The following TNC variants were observed in gnomAD, a reference collection of about 807,000 sequenced individuals.
The protein encoded by TNC is tenascin.
A neutral mutation model predicts 202.4 loss-of-function variants in TNC; 109 were observed. The ratio of observed to expected loss-of-function variants is 0.54; its 90% confidence interval spans 0.46 to 0.63. TNC has a LOEUF of 0.63. Ranked by LOEUF, TNC falls within the 30% of genes least tolerant of loss-of-function variation. The pLI, the probability that TNC is intolerant of heterozygous loss-of-function variation, is 0.00. For missense variants in TNC, 2,756 were observed against 2,833.3 expected, an observed-to-expected ratio of 0.97 and a Z score of 0.62; for synonymous variants, 1,007 against 1,089.7, an observed-to-expected ratio of 0.92 and a Z score of 1.50.
Position 115,086,901 on chromosome 9 carries a change from T to C in TNC, c.830A>G (p.Asp277Gly). 6.2e-7 allele frequency: 1 copy of C among 1,614,082 alleles called. No homozygotes were observed. The highest frequency in any genetic ancestry group is 8.5e-7 in the Non-Finnish European group (1 of 1,180,040). The change falls in exon 3 of 28, where the codon GAT becomes GGT. Residue 277 changes from aspartate to glycine, a missense_variant. By Grantham distance (94) the Asp-to-Gly change is moderately conservative (BLOSUM62 -1). Coordinates refer to ENST00000350763, the MANE Select transcript of TNC (RefSeq NM_002160.4). ...GAGACACAGAGGCTTGTTGCAGTCA[T>C]CGCCTGCAAAGCCATCGTGGCACAC... ...LCVCHDGFAG[D>G]DCNKPLCLNN...
At chr9:115,087,372 T>G in intron 2 of TNC, 99 bp from the exon 3 acceptor site, 1 of 1,234,586 alleles carries the variant, frequency 8.1e-7, no homozygotes, top group Non-Finnish European at 1.1e-6. Context: ...TGAAGGACGG[T>G]TGCACCCTCA....
Position 115,076,041 on chromosome 9 carries a change from C to T in TNC, c.2941G>A (p.Ala981Thr), listed in dbSNP as rs139800185. 154 of 1,613,918 alleles carry T rather than the reference C, an allele frequency of 9.5e-5. No homozygotes were observed. The highest frequency in any genetic ancestry group is 6.6e-4 in the Middle Eastern group (4 of 6,084). ...TCCAGGTGTGCCCCACCTGTGGCTG[C>T]GTTGATGGTCGCTGGATTGCTCTCC... is the stretch of plus-strand genomic sequence containing the variant. Reference protein sequence around the residue: ...DKESNPATINAATELDTPKDL... With the variant: ...DKESNPATINTATELDTPKDL... Residue 981 changes from alanine (A) to threonine (T), a missense_variant, in exon 9 of 28, where the codon GCA becomes ACA. Around this residue, in one of 2 missense-constraint regions of TNC, gnomAD observed 2,559 missense variants for 2,546.0 expected, o/e 1.01. Coordinates refer to ENST00000350763, the MANE Select transcript of TNC (RefSeq NM_002160.4).
chr9:115,081,723 G>T, intron 6 of TNC, 49 bp downstream of exon 6: 1 of 1,604,528 alleles, frequency 6.2e-7, no homozygotes, highest in Non-Finnish European at 8.5e-7. Flanking sequence ...GAGGTGCTAT[G>T]AGGTACAATC....
Position 115,046,573 on chromosome 9 carries a change from G to C in TNC, c.4962C>G (p.Ile1654Met). 1.2e-6 allele frequency: 2 copies of C among 1,614,070 alleles called. No homozygotes were observed. Among genetic ancestry groups the C allele is most frequent in the Non-Finnish European group, 1.7e-6 (2 of 1,180,006 alleles). The change falls in exon 17 of 28, where the codon ATC (isoleucine) becomes ATG (methionine). Residue 1654 changes from isoleucine to methionine, a missense_variant. Transcript: ENST00000350763. ...GCTCAGACTGCTTTTTGGTATCTCT[G>C]ATTTTGAGAACAAAATTGTCGAAGA... ...EGVFDNFVLK[I>M]RDTKKQSEPL...
At chr9:115,085,763 G>A (rs1410596354) in intron 3 of TNC, 101 bp downstream of exon 3, 1 of 1,095,688 alleles carries the variant, frequency 9.1e-7, no homozygotes, top group Non-Finnish European at 1.3e-6. Context: ...CAAAGAATCA[G>A]TGTGCATGAA....
chr9:115,035,942 C>T (rs1830289925), intron 21 of TNC, 156 bp downstream of exon 21: 1 of 850,860 alleles, frequency 1.2e-6, no homozygotes. Context: ...CAGGCCTTGA[C>T]TGAGTGGGCA....
rs73656721 is a variant in TNC at position 115,058,810 on chromosome 9, T to A, written c.4306+920A>T. On this transcript the variant is annotated intron_variant, in intron 14 of 27. Coordinates refer to ENST00000350763, the MANE Select transcript of TNC (RefSeq NM_002160.4). ...GCTTCAAACCCATGGAGGCACATAA[T>A]AAAGATGAGCAACGGAAAACTGTGT... Among the ~76,000 whole-genome samples, 1,320 of 152,268 alleles carry A rather than the reference T, an allele frequency of 8.7e-3. 15 individuals are homozygous for A. Among genetic ancestry groups the A allele is most frequent in the African/African-American group, 0.03 (1,244 of 41,544 alleles).
Position 115,092,260 on chromosome 9 carries a change from A to G in TNC, c.-136-1106T>C, listed in dbSNP as rs573716167. ...TTAAGCTGAGCCTTAAATAGTGAGAAGAATTAGATGGGAACAGAATATGGA... is the reference window on the plus strand; with the variant it reads ...TTAAGCTGAGCCTTAAATAGTGAGAGGAATTAGATGGGAACAGAATATGGA... On this transcript the variant is annotated intron_variant, in intron 1 of 27. Transcript: ENST00000350763. 4.6e-5 allele frequency among the ~76,000 whole-genome samples: 7 copies of G among 152,346 alleles called. No homozygotes were observed. The South Asian group carries it at 6.2e-4, about 14-fold the overall frequency.
chr9:115,075,504 C>G (rs996505992), intron 9 of TNC, among the ~76,000 whole-genome samples: 1 of 151,202 alleles, frequency 6.6e-6, no homozygotes, highest in African/African-American at 2.4e-5. Flanking sequence ...TAAAAAATCC[C>G]GGCTGGACAT....
rs1349628573 is a variant in TNC at position 115,020,548 on chromosome 9, G to A, written c.*609C>T. 3 of 211,960 alleles carry A rather than the reference G, an allele frequency of 1.4e-5. No homozygotes were observed. The highest frequency in any genetic ancestry group is 2.4e-4 in the East Asian group (2 of 8,434). The allele number at this position is 211,960 out of a possible 1,614,324, so 13.1% of individuals were successfully genotyped here. A position where few individuals can be genotyped will look rare whatever the true frequency, so the allele number is the denominator to read the frequency against. On this transcript the variant is annotated 3_prime_UTR_variant, in exon 28 of 28. Coordinates refer to ENST00000350763, the MANE Select transcript of TNC (RefSeq NM_002160.4). ...AAATAACAAACTCAAAAGTACTTGT[G>A]CTTTTATTTAAAAAAAAAATACAAT... is the stretch of plus-strand genomic sequence containing the variant.
At chr9:115,063,646 G>A (rs144137709) in intron 12 of TNC, 150 bp downstream of exon 12, 3 of 877,930 alleles carry the variant, frequency 3.4e-6, no homozygotes, top group Non-Finnish European at 5.1e-6. Flanking sequence ...CCAAATAAGG[G>A]ATGTGACATT....
At chr9:115,047,635 A>G (rs1360824252) in intron 16 of TNC, among the ~76,000 whole-genome samples, 3 of 152,136 alleles carry the variant, frequency 2.0e-5, no homozygotes, top group Non-Finnish European at 4.4e-5. Flanking sequence ...ACCGAGTAGG[A>G]CCTTTGAACA....
intron 19 of TNC, among the ~76,000 whole-genome samples, 166 bp from the exon 20 acceptor site, chr9:115,038,546 AAT>A (rs1200003027): frequency 9.8e-5 from 15 of 152,314 alleles, no homozygotes; most frequent in Middle Eastern, 3.4e-3. Context: ...GGCTTTGAGT[AAT>A]GACTCCCTCC....
Position 115,046,662 on chromosome 9 carries a change from T to C in TNC, c.4873A>G (p.Asn1625Asp). Reference sequence around the variant, plus strand: ...GGGGTGGCATCTGAAACCAGAAGGTTGTCAACTTCCGGTTCGGCTTCTAGA... The same window carrying C: ...GGGGTGGCATCTGAAACCAGAAGGTCGTCAACTTCCGGTTCGGCTTCTAGA... ...IVTEAEPEVD[N>D]LLVSDATPDG... Residue 1625 changes from asparagine to aspartate, a missense_variant, in exon 17 of 28, where the codon AAC becomes GAC. Around this residue, in one of 2 missense-constraint regions of TNC, gnomAD observed 2,559 missense variants for 2,546.0 expected, o/e 1.01. Transcript: ENST00000350763. 6.2e-7 allele frequency: 1 copy of C among 1,613,268 alleles called. No individual in the cohort carries two copies.
intron 25 of TNC, among the ~76,000 whole-genome samples, chr9:115,028,924 GAAA>G (rs57737243): frequency 1.6e-5 from 1 of 63,966 alleles, no homozygotes; most frequent in African/African-American, 6.4e-5. Flanking sequence ...CATTATCTCT[GAAA>G]AAAAAAAAAA....
At chr9:115,053,396 G>A (rs971259058) in intron 15 of TNC, among the ~76,000 whole-genome samples, 6 of 152,164 alleles carry the variant, frequency 3.9e-5, no homozygotes, top group African/African-American at 1.4e-4. Context: ...CCTGTAAGAT[G>A]TTCCAAGAAA....
At chr9:115,103,967 GATCC>G (rs72208244) in intron 1 of TNC, among the ~76,000 whole-genome samples, 20,586 of 152,070 alleles carry the variant, frequency 0.14, 1,748 homozygotes, top group Non-Finnish European at 0.18. Flanking sequence ...AATATGACTA[GATCC>G]ATTGATACAT....
chr9:115,059,354 G>A (rs2132503168), intron 14 of TNC, among the ~76,000 whole-genome samples: 1 of 152,284 alleles, frequency 6.6e-6, no homozygotes, highest in South Asian at 2.1e-4. Context: ...AATAATCTGT[G>A]TTCCACCAGA....
chr9:115,044,673 A>G (rs1207253177), intron 17 of TNC, among the ~76,000 whole-genome samples: 2 of 152,196 alleles, frequency 1.3e-5, no homozygotes, highest in Non-Finnish European at 2.9e-5. Flanking sequence ...ATAAACCAAG[A>G]TCAAAATCAA....
Sources: gnomAD v4.1 joint callset for allele counts (sites outside exome capture counted in the v4.1 genomes callset) on GRCh38, gnomAD v4.1.1 for gene constraint, gnomAD v4.1.1 regional missense constraint, MANE v1.5 for transcripts, NCBI Gene and HGNC (gene_info 2026-07-23, HGNC 2026-07-21) for gene names.